The following TRRAP variants were observed in gnomAD, a reference collection of about 807,000 sequenced individuals.
TRRAP encodes the protein transformation/transcription domain associated protein, also known as transformation/transcription domain-associated protein.
Under a neutral mutation model 438.8 loss-of-function variants are expected in TRRAP, and 41 were observed. The observed-to-expected ratio is 0.09, with a 90% confidence interval of 0.07 to 0.12. The LOEUF (loss-of-function observed/expected upper bound fraction) is 0.12. Ranked by LOEUF, TRRAP falls within the 10% of genes least tolerant of loss-of-function variation. TRRAP has a pLI of 1.00. For synonymous variants in TRRAP, 1,994 were observed against 1,962.9 expected, an observed-to-expected ratio of 1.02 and a Z score of -0.42; for missense variants, 3,122 against 5,055.1, an observed-to-expected ratio of 0.62 and a Z score of 11.60.
intron 52 of TRRAP, 127 bp from the exon 53 acceptor site, chr7:98,971,668 ATACT>A (rs1792425462): frequency 3.7e-6 from 4 of 1,068,024 alleles, no homozygotes; most frequent in South Asian, 1.6e-5. Context: ...GATTATTTAA[ATACT>A]TACACACTTC....
In TRRAP at chr7:98,970,350, C is replaced by T. The variant is rs954599021; in HGVS notation, c.7692+59C>T. The T allele has an allele frequency of 4.4e-6, 7 of 1,573,546 alleles. No homozygotes were observed. The South Asian group carries it at 4.6e-5, about 10-fold the overall frequency. On this transcript the variant is annotated intron_variant, in intron 52 of 72. Coordinates refer to ENST00000456197, the MANE Select transcript of TRRAP (RefSeq NM_001375524.1). Reference sequence around the variant, plus strand: ...AGAGGAGGTGAGGCCCCACACCCCACGGGCAGAATCCCAGAGAGGAGGTGA... The same window carrying T: ...AGAGGAGGTGAGGCCCCACACCCCATGGGCAGAATCCCAGAGAGGAGGTGA...
At chr7:98,925,851 A>T (rs79041850) in intron 22 of TRRAP, among the ~76,000 whole-genome samples, 4,163 of 152,318 alleles carry the variant, frequency 0.027, 83 homozygotes, top group South Asian at 0.054. Flanking sequence ...TTTAAAGGAC[A>T]TTGAAGAGAG....
intron 43 of TRRAP, among the ~76,000 whole-genome samples, chr7:98,957,006 C>T (rs1246494401): frequency 6.6e-6 from 1 of 152,140 alleles, no homozygotes; most frequent in Non-Finnish European, 1.5e-5. Flanking sequence ...GGCCACCCTA[C>T]TTCTGGCTTC....
chr7:98,881,031 A>T lies in TRRAP; in HGVS notation c.-61-59A>T, dbSNP rs189969185. 4.8e-4 allele frequency: 320 copies of T among 668,074 alleles called. 2 individuals are homozygous for T. The highest frequency in any genetic ancestry group is 4.3e-5 in the Non-Finnish European group (18 of 421,978). 41.4% of individuals were successfully genotyped at this position (668,074 alleles called of 1,614,324 possible). On this transcript the variant is annotated intron_variant, in intron 1 of 72. Coordinates refer to ENST00000456197, the MANE Select transcript of TRRAP (RefSeq NM_001375524.1). ...ATGTAGGCCTTTAGGTAAGATTTTC[A>T]CAGAGATTGTGATCCTGTGCCCTCC...
rs782568540 is a variant in TRRAP, at chr7:98,931,685, A to G, written c.3852+20A>G. The G allele has an allele frequency of 1.3e-6, 2 of 1,597,998 alleles. No individual in the cohort carries two copies. The highest frequency in any genetic ancestry group is 2.2e-5 in the East Asian group (1 of 44,554). Reference sequence around the variant, plus strand: ...AAAGAGGTGAGATTTCTGTCACCAGAACCAAGGTAATTTCAACAAAACTTT... The same window carrying G: ...AAAGAGGTGAGATTTCTGTCACCAGGACCAAGGTAATTTCAACAAAACTTT... On this transcript the variant is annotated intron_variant, in intron 26 of 72. Transcript: ENST00000456197.
intron 38 of TRRAP, among the ~76,000 whole-genome samples, 189 bp downstream of exon 38, chr7:98,950,451 G>A (rs576864049): frequency 1.6e-4 from 25 of 152,288 alleles, no homozygotes; most frequent in Admixed American, 7.2e-4. Flanking sequence ...GAGCTCAGGA[G>A]TTGGAGGCTG....
chr7:98,929,845 C>G, intron 23 of TRRAP, 144 bp from the exon 24 acceptor site: 1 of 769,872 alleles, frequency 1.3e-6, no homozygotes, highest in East Asian at 2.5e-5. Flanking sequence ...CCTCCTGCCT[C>G]GGCCTCCCAG....
chr7:98,966,011 TCA>T (rs1792135973), intron 49 of TRRAP, 116 bp downstream of exon 49: 5 of 1,167,850 alleles, frequency 4.3e-6, no homozygotes, highest in Non-Finnish European at 6.1e-6. Context: ...GTAATTGCAC[TCA>T]CAGCATCTTT....
At position 99,005,678 on chromosome 7, in the gene TRRAP, T is replaced by C. The variant is rs1039689340; in HGVS notation, c.10753+330T>C. Among the ~76,000 whole-genome samples, 4 of 148,160 alleles carry C rather than the reference T, an allele frequency of 2.7e-5. No individual in the cohort carries two copies. Among genetic ancestry groups the C allele is most frequent in the African/African-American group, 1.1e-4 (4 of 37,632 alleles). ...CTTTCTTAGGACATTATGAGATTTC[T>C]TTTTCTTTTTTTTTTTCTTTTTTAG... On this transcript the variant is annotated intron_variant, in intron 69 of 72. Coordinates refer to ENST00000456197, the MANE Select transcript of TRRAP (RefSeq NM_001375524.1). This position sits in a 1 kb window ranked among gnomAD's most constrained non-coding sequence, Gnocchi z 5.1.
At chr7:98,885,685 T>A (rs1554403851) in intron 3 of TRRAP, among the ~76,000 whole-genome samples, 1 of 151,904 alleles carries the variant, frequency 6.6e-6, no homozygotes, top group African/African-American at 2.4e-5. Context: ...TATATATATA[T>A]GAAGAGGTGA....
Position 98,978,426 on chromosome 7 carries a change from G to A in TRRAP, c.8498+103G>A, listed in dbSNP as rs571301167. ...ATGAGCGTTTTTTAAAGAAAGCTTT[G>A]CTACTTTATGGCCACATAAAGAACA... On this transcript the variant is annotated intron_variant, in intron 57 of 72. Coordinates refer to ENST00000456197, the MANE Select transcript of TRRAP (RefSeq NM_001375524.1). 4.5e-5 allele frequency: 47 copies of A among 1,054,622 alleles called. 1 individual carries two copies. The African/African-American group carries it at 7.2e-4, about 16-fold the overall frequency. The allele number at this position is 1,054,622 out of a possible 1,614,324, so 65.3% of individuals were successfully genotyped here. A position where few individuals can be genotyped will look rare whatever the true frequency, so the allele number is the denominator to read the frequency against.
At position 98,931,634 on chromosome 7, in the gene TRRAP, G is replaced by A; in HGVS notation, c.3821G>A (p.Ser1274Asn). Reference sequence around the variant, plus strand: ...GTGTTGGCCCAGGTCACTGGGAAGAGTGTCACGGTGATCATGGAACCCCAC... The same window carrying A: ...GTGTTGGCCCAGGTCACTGGGAAGAATGTCACGGTGATCATGGAACCCCAC... ...LQVLAQVTGK[S>N]VTVIMEPHKE... is the part of the protein sequence containing the mutation. Residue 1274 changes from serine (S) to asparagine (N), a missense_variant, in exon 26 of 73, where the codon AGT becomes AAT. By Grantham distance (46) the Ser-to-Asn change is conservative. Transcript: ENST00000456197. The A allele has an allele frequency of 1.2e-6, 2 of 1,614,158 alleles. No homozygotes were observed. Among genetic ancestry groups the A allele is most frequent in the Non-Finnish European group, 1.7e-6 (2 of 1,179,978 alleles).
intron 67 of TRRAP, among the ~76,000 whole-genome samples, chr7:99,002,141 G>A (rs1387403932): frequency 1.4e-5 from 2 of 141,040 alleles, no homozygotes; most frequent in African/African-American, 5.1e-5. Context: ...GGGGTGGTGG[G>A]GGTGGGTGGT....
intron 3 of TRRAP, among the ~76,000 whole-genome samples, chr7:98,885,731 T>G (rs933252781): frequency 1.3e-5 from 2 of 152,162 alleles, no homozygotes; most frequent in Non-Finnish European, 2.9e-5. Context: ...CTGCATTTTA[T>G]TGGAAGAACT....
intron 21 of TRRAP, among the ~76,000 whole-genome samples, chr7:98,923,658 C>T (rs1394992688): frequency 1.3e-5 from 2 of 152,216 alleles, no homozygotes; most frequent in Non-Finnish European, 1.5e-5. Flanking sequence ...TCGAAGAGCA[C>T]GGACACTCAA....
intron 61 of TRRAP, 149 bp from the exon 62 acceptor site, chr7:98,984,792 CAAT>C (rs1316183551): frequency 9.7e-5 from 51 of 524,056 alleles, no homozygotes; most frequent in Non-Finnish European, 4.0e-5. Flanking sequence ...GAACGTCAAT[CAAT>C]AAATATTCAT....
intron 3 of TRRAP, among the ~76,000 whole-genome samples, chr7:98,883,973 T>A (rs1397610280): frequency 6.6e-6 from 1 of 152,168 alleles, no homozygotes; most frequent in Non-Finnish European, 1.5e-5. Flanking sequence ...GGTTTTATGC[T>A]TTGGGGAGGA....
intron 70 of TRRAP, among the ~76,000 whole-genome samples, chr7:99,009,721 TC>T (rs1414080905): frequency 6.6e-6 from 1 of 152,192 alleles, no homozygotes; most frequent in African/African-American, 2.4e-5. Context: ...TCATCCTGTT[TC>T]TAAACAGCGT....
In TRRAP at chr7:98,976,489, G is replaced by A. The variant is rs1278961365; in HGVS notation, c.7966G>A (p.Ala2656Thr). 1.2e-5 allele frequency: 19 copies of A among 1,607,582 alleles called. No individual in the cohort carries two copies. Among genetic ancestry groups the A allele is most frequent in the East Asian group, 2.2e-5 (1 of 44,828 alleles). ...ILSDRQQHAL[A>T]GEISPFLCSG... ...ACATGTGCTTTGGTTTCAGGCACTC[G>A]CGGGTGAGATAAGTCCATTTCTGTG... The change falls in exon 55 of 73, where the codon GCG (alanine) becomes ACG (threonine). Residue 2656 changes from alanine (A) to threonine (T), a missense_variant. This residue lies in a region of TRRAP where 992 missense variants were observed against 1,281.2 expected (regional missense o/e 0.77). Coordinates refer to ENST00000456197, the MANE Select transcript of TRRAP (RefSeq NM_001375524.1). The surrounding 1 kb of genome is among the most constrained non-coding windows in gnomAD (Gnocchi z 4.6).
Sources: allele counts gnomAD v4.1 joint callset (sites outside exome capture counted in the v4.1 genomes callset), GRCh38; gene constraint gnomAD v4.1.1; regional missense constraint gnomAD v4.1.1; non-coding constraint Gnocchi (gnomAD v3.1); transcripts MANE v1.5; gene names NCBI Gene and HGNC (gene_info 2026-07-23, HGNC 2026-07-21).